Variants in SPON2 observed in about 807,000 individuals in gnomAD.
The protein encoded by SPON2 is spondin 2, also known as spondin-2.
Under a neutral mutation model 29.9 loss-of-function variants are expected in SPON2, and 32 were observed. The observed-to-expected ratio is 1.07, with a 90% CI of 0.81 to 1.44. SPON2 has a LOEUF of 1.44. Ranked by LOEUF, SPON2 falls within the 40% of genes most tolerant of loss-of-function variation. The probability of loss-of-function intolerance (pLI) is 0.00; values close to 1 mark genes in which losing one functional copy is unlikely to be tolerated. For synonymous variants in SPON2, 248 were observed against 209.1 expected (o/e 1.19, Z -1.61); for missense variants, 541 against 455.5 (o/e 1.19, Z -1.71).
intron 1 of SPON2, among the ~76,000 whole-genome samples, chr4:1,193,770 G>A (rs1178358412): frequency 3.1e-5 from 1 of 32,072 alleles, no homozygotes; most frequent in Non-Finnish European, 6.2e-5. Flanking sequence ...AAGGACGTGG[G>A]GGGTGGCGTG....
chr4:1,186,481 T>G (rs1486808191), intron 1 of SPON2, among the ~76,000 whole-genome samples: 1 of 152,060 alleles, frequency 6.6e-6, no homozygotes, highest in Non-Finnish European at 1.5e-5. Context: ...TTTTTTGTAT[T>G]TTAGTAGAGA....
At chr4:1,198,047 CAA>C (rs71640383), upstream of SPON2, among the ~76,000 whole-genome samples, 2 of 137,734 alleles carry the variant, frequency 1.5e-5, no homozygotes, top group African/African-American at 5.4e-5. Context: ...GACTCTGTTT[CAA>C]AAAAAAAAAA....
intron 1 of SPON2, among the ~76,000 whole-genome samples, chr4:1,188,717 A>G (rs576931431): frequency 3.7e-4 from 56 of 152,362 alleles, no homozygotes; most frequent in Non-Finnish European, 7.1e-4. Context: ...ACAATTCAAC[A>G]ATAACAGCTG....
rs61183604 is a variant in SPON2, at chr4:1,189,655, A to AG, written c.-239+5334_-239+5335insC. Among the ~76,000 whole-genome samples, 775 of 145,508 alleles carry AG rather than the reference A, an allele frequency of 5.3e-3. 3 individuals are homozygous for AG. Among genetic ancestry groups the AG allele is most frequent in the African/African-American group, 0.019 (721 of 38,126 alleles). ...CCCTGTCTCAAAAAAAAAAAAAAAA[A>AG]AAAGAAAGAAAGAAAGAAAAGAAAA... On this transcript the variant is annotated intron_variant, in intron 1 of 3. Coordinates refer to the SPON2 transcript ENST00000502483.
chr4:1,169,343 C>G (rs1220593812), intron 5 of SPON2, among the ~76,000 whole-genome samples: 1 of 152,094 alleles, frequency 6.6e-6, no homozygotes, highest in East Asian at 1.9e-4. Flanking sequence ...TCCGCGTGGA[C>G]AAATGAGTGA....
intron 2 of SPON2, among the ~76,000 whole-genome samples, chr4:1,178,819 T>C (rs983430652): frequency 6.6e-6 from 1 of 152,004 alleles, no homozygotes; most frequent in Non-Finnish European, 1.5e-5. Flanking sequence ...GTGGACTGAG[T>C]GTCCAAGGGT....
intron 1 of SPON2, among the ~76,000 whole-genome samples, chr4:1,180,867 G>A (rs1435670454): frequency 6.6e-6 from 1 of 152,202 alleles, no homozygotes; most frequent in African/African-American, 2.4e-5. Context: ...ACTGACCAGT[G>A]ACTCAGAGAC....
chr4:1,201,187 C>T (rs1328163315), intron 1 of SPON2: 2 of 448,866 alleles, frequency 4.5e-6, no homozygotes, highest in East Asian at 7.1e-5. Context: ...TCCTCCAGCC[C>T]CTCCCCCCGC....
rs576618553 is a variant in SPON2 at position 1,170,393 on chromosome 4, GTC to G, written c.811+7_811+8del. ...GCTGTGTGTCCCATGTGACCTGTAT[GTC>G]CGTTACCTGAGGCGCTGTCTACAAT... On this transcript the variant is annotated splice_region_variant and intron_variant, in intron 5 of 5. Coordinates refer to ENST00000290902, the MANE Select transcript of SPON2 (RefSeq NM_012445.4). 2.5e-4 allele frequency: 404 copies of G among 1,611,338 alleles called. No individual in the cohort carries two copies. The Middle Eastern group carries it at 3.3e-3, about 13-fold the overall frequency.
chr4:1,167,711 T>G, intron 5 of SPON2, 55 bp from the exon 6 acceptor site: 1 of 1,521,952 alleles, frequency 6.6e-7, no homozygotes, highest in Non-Finnish European at 8.8e-7. Flanking sequence ...AGGCGCTTCG[T>G]ACAAACGGAA....
intron 1 of SPON2, among the ~76,000 whole-genome samples, chr4:1,194,240 C>T (rs944013576): frequency 2.0e-5 from 3 of 152,136 alleles, no homozygotes; most frequent in South Asian, 2.1e-4. Flanking sequence ...GCGAGGTGTG[C>T]GGGCCTCTTC....
chr4:1,198,943 G>C (rs754598013), upstream of SPON2: 1 of 152,026 alleles, frequency 6.6e-6, no homozygotes, highest in South Asian at 2.1e-4. Context: ...GGGTCGACTC[G>C]TGGGGCCTGC....
chr4:1,195,593 C>T (rs1728049557), upstream of SPON2, among the ~76,000 whole-genome samples: 1 of 152,192 alleles, frequency 6.6e-6, no homozygotes, highest in African/African-American at 2.4e-5. Flanking sequence ...TAGCCCTCAG[C>T]AAGCAGGGCT....
upstream of SPON2, among the ~76,000 whole-genome samples, chr4:1,196,010 A>G (rs1728061118): frequency 6.6e-6 from 1 of 151,936 alleles, no homozygotes; most frequent in African/African-American, 2.4e-5. Context: ...ATGAGAATAG[A>G]AGATCATGGG....
At chr4:1,177,401 G>A (rs532614705), upstream of SPON2, among the ~76,000 whole-genome samples, 20 of 152,348 alleles carry the variant, frequency 1.3e-4, no homozygotes, top group South Asian at 1.2e-3. Flanking sequence ...TGGACTTTTG[G>A]ACAACCGCAG....
At chr4:1,167,811 G>A in intron 5 of SPON2, 155 bp from the exon 6 acceptor site, 2 of 725,666 alleles carry the variant, frequency 2.8e-6, no homozygotes, top group Non-Finnish European at 4.2e-6. Flanking sequence ...AGAGTGAGCG[G>A]CAAGATGGGA....
chr4:1,196,031 G>A (rs185927091), upstream of SPON2, among the ~76,000 whole-genome samples: 1 of 152,226 alleles, frequency 6.6e-6, no homozygotes, highest in Admixed American at 6.5e-5. Flanking sequence ...GTAGTTCCTG[G>A]CACCCTCCCC....
intron 1 of SPON2, among the ~76,000 whole-genome samples, chr4:1,185,939 T>G (rs1331016269): frequency 4.6e-5 from 7 of 151,982 alleles, no homozygotes; most frequent in Admixed American, 4.6e-4. Context: ...AATTAGAATA[T>G]TTGTGTATCA....
At chr4:1,171,831 C>A in intron 2 of SPON2, 21 bp downstream of exon 2, 1 of 1,572,782 alleles carries the variant, frequency 6.4e-7, no homozygotes. Flanking sequence ...GAGCAGGAGG[C>A]GAGGAGGGGG....
Sources: gnomAD v4.1 joint callset for allele counts (sites outside exome capture counted in the v4.1 genomes callset) on GRCh38, gnomAD v4.1.1 for gene constraint, MANE v1.5 for transcripts, NCBI Gene and HGNC (gene_info 2026-07-23, HGNC 2026-07-21) for gene names.